The following YIPF5 variants were observed in gnomAD, a reference collection of about 807,000 sequenced individuals.
YIPF5 encodes protein YIPF5.
A neutral mutation model predicts 30.4 loss-of-function variants in YIPF5; 8 were observed. That is an observed-to-expected ratio of 0.26 (90% CI 0.15 to 0.47). The LOEUF is 0.47. Among genes scored for constraint, YIPF5 ranks in the 20% least tolerant of loss-of-function variants. The pLI is 0.99. For missense variants in YIPF5, 282 were observed against 301.8 expected, an observed-to-expected ratio of 0.93 and a Z score of 0.49; for synonymous variants, 104 against 107.9, an observed-to-expected ratio of 0.96 and a Z score of 0.23.
At position 144,163,276 on chromosome 5, in the gene YIPF5, T is replaced by A. The variant is rs1471113155; in HGVS notation, c.429+835A>T. 3.3e-5 allele frequency among the ~76,000 whole-genome samples: 5 copies of A among 152,336 alleles called. No homozygotes were observed. The East Asian group carries it at 7.7e-4, about 23-fold the overall frequency. On this transcript the variant is annotated intron_variant, in intron 4 of 5. Transcript: ENST00000274496. ...TTATTGGGACTTTTATTAGATTATT[T>A]GTAAATACTTGATTAAAAATGCAGA...
At position 144,169,933 on chromosome 5, in the gene YIPF5, T is replaced by C. The variant is rs1752321072; in HGVS notation, c.23A>G (p.Asn8Ser). 2.5e-6 allele frequency: 4 copies of C among 1,614,228 alleles called. No individual in the cohort carries two copies. Among genetic ancestry groups the C allele is most frequent in the Non-Finnish European group, 3.4e-6 (4 of 1,180,034 alleles). ...GTAACTTGTCTGGTAGAAATCCGTG[T>C]TTAAGTTTTCAAAGCCTGACATTGC... Reference protein sequence around the residue: MSGFENLNTDFYQTSYSI... With the variant: MSGFENLSTDFYQTSYSI... The change falls in exon 2 of 6, where the codon AAC becomes AGC. Residue 8 changes from asparagine to serine, a missense_variant. By Grantham distance (46) the Asn-to-Ser change is conservative. Transcript: ENST00000274496.
Position 144,158,556 on chromosome 5 carries a change from A to G in YIPF5, c.*1841T>C. ...GCATCTTCTACCGTTTATTAGCAAT[A>G]TTTGGATATTAAGGGAAGACATTTG... On this transcript the variant is annotated 3_prime_UTR_variant, in exon 6 of 6. Coordinates refer to ENST00000274496, the MANE Select transcript of YIPF5 (RefSeq NM_030799.9). 2.6e-6 allele frequency: 3 copies of G among 1,173,842 alleles called. No homozygotes were observed. The highest frequency in any genetic ancestry group is 3.2e-6 in the Non-Finnish European group (3 of 940,060). 72.7% of individuals were successfully genotyped at this position (1,173,842 alleles called of 1,614,324 possible).
chr5:144,168,338 C>G (rs980865971), intron 2 of YIPF5, among the ~76,000 whole-genome samples: 1 of 152,038 alleles, frequency 6.6e-6, no homozygotes, highest in Admixed American at 6.6e-5. Context: ...ATCTCGTAGG[C>G]TGCAATCTAA....
At chr5:144,168,215 T>A (rs1752253196) in intron 2 of YIPF5, among the ~76,000 whole-genome samples, 1 of 152,186 alleles carries the variant, frequency 6.6e-6, no homozygotes, top group East Asian at 1.9e-4. Flanking sequence ...ATATCTAAAT[T>A]GCTGTGTGGA....
In YIPF5 at chr5:144,169,874, A is replaced by T. The variant is rs1186857579; in HGVS notation, c.82T>A (p.Tyr28Asn). The T allele has an allele frequency of 3.1e-6, 5 of 1,614,080 alleles. No individual in the cohort carries two copies. Among genetic ancestry groups the T allele is most frequent in the Non-Finnish European group, 4.2e-6 (5 of 1,180,040 alleles). The change falls in exon 2 of 6, where the codon TAT (tyrosine) becomes AAT (asparagine). Residue 28 changes from tyrosine (Y) to asparagine (N), a missense_variant. By Grantham distance (143) the Tyr-to-Asn change is moderately radical. Coordinates refer to ENST00000274496, the MANE Select transcript of YIPF5 (RefSeq NM_030799.9). ...IDDQSQQSYD[Y>N]GGSGGPYSKQ... ...CTATAGGGTCCTCCACTTCCTCCAT[A>T]ATCATAGGACTGCTGTGACTGATCA...
chr5:144,158,375 C>T lies in YIPF5; in HGVS notation c.*2022G>A, dbSNP rs761051494. 16 of 1,165,404 alleles carry T rather than the reference C, an allele frequency of 1.4e-5. No individual in the cohort carries two copies. In the African/African-American group the frequency reaches 2.3e-4, roughly 17 times the overall value. The allele number at this position is 1,165,404 out of a possible 1,614,324, so 72.2% of individuals were successfully genotyped here. A position where few individuals can be genotyped will look rare whatever the true frequency, so the allele number is the denominator to read the frequency against. On this transcript the variant is annotated 3_prime_UTR_variant, in exon 6 of 6. Coordinates refer to ENST00000274496, the MANE Select transcript of YIPF5 (RefSeq NM_030799.9). ...ATTTTGGAGCAAAATAAAAAATAACCACCACAAAAAAAATCTCTACAATAA... is the reference window on the plus strand; with the variant it reads ...ATTTTGGAGCAAAATAAAAAATAACTACCACAAAAAAAATCTCTACAATAA...
rs1751985414 is a variant in YIPF5 at position 144,159,963 on chromosome 5, C to T, written c.*434G>A. On this transcript the variant is annotated 3_prime_UTR_variant, in exon 6 of 6. Coordinates refer to ENST00000274496, the MANE Select transcript of YIPF5 (RefSeq NM_030799.9). ...GCCCTTGTGATCCGCCCGCCTCGGC[C>T]TCCCAAAGTGCTGGGATTACAGGCG... 21 of 970,326 alleles carry T rather than the reference C, an allele frequency of 2.2e-5. No individual in the cohort carries two copies. Among genetic ancestry groups the T allele is most frequent in the Non-Finnish European group, 2.5e-5 (20 of 816,028 alleles). The allele number at this position is 970,326 out of a possible 1,614,324, so 60.1% of individuals were successfully genotyped here. A position where few individuals can be genotyped will look rare whatever the true frequency, so the allele number is the denominator to read the frequency against.
At chr5:144,161,414 G>A (rs1752042028) in intron 5 of YIPF5, among the ~76,000 whole-genome samples, 1 of 140,244 alleles carries the variant, frequency 7.1e-6, no homozygotes. Context: ...GGGCGATCTC[G>A]GCTCACTGCA....
At chr5:144,161,520 A>T (rs781593814) in intron 5 of YIPF5, among the ~76,000 whole-genome samples, 1 of 151,458 alleles carries the variant, frequency 6.6e-6, no homozygotes, top group African/African-American at 2.4e-5. Flanking sequence ...CTAATTTTGT[A>T]TTTTTAGTAG....
chr5:144,159,383 T>C lies in YIPF5; in HGVS notation c.*1014A>G. ...CCTTAAAAAAGGTTAGTGATTTTTT[T>C]ATTATTTTTGGGAAATGTGGCGATC... On this transcript the variant is annotated 3_prime_UTR_variant, in exon 6 of 6. Coordinates refer to ENST00000274496, the MANE Select transcript of YIPF5 (RefSeq NM_030799.9). 3 of 985,318 alleles carry C rather than the reference T, an allele frequency of 3.0e-6. No individual in the cohort carries two copies. Among genetic ancestry groups the C allele is most frequent in the Non-Finnish European group, 3.6e-6 (3 of 829,794 alleles). The allele number at this position is 985,318 out of a possible 1,614,324, so 61.0% of individuals were successfully genotyped here.
rs1184521805 is a variant in YIPF5 at position 144,159,623 on chromosome 5, TGA to T, written c.*772_*773del. 2.0e-6 allele frequency: 2 copies of T among 985,410 alleles called. No individual in the cohort carries two copies. Among genetic ancestry groups the T allele is most frequent in the Non-Finnish European group, 2.4e-6 (2 of 829,916 alleles). 61.0% of individuals were successfully genotyped at this position (985,410 alleles called of 1,614,324 possible). On this transcript the variant is annotated 3_prime_UTR_variant, in exon 6 of 6. Coordinates refer to ENST00000274496, the MANE Select transcript of YIPF5 (RefSeq NM_030799.9). ...CTACATTTGGATCACTTTTTTGCTT[TGA>T]GTTACCTGACTTGAGAATACAAGGC...
chr5:144,168,781 G>C (rs1363670352), intron 2 of YIPF5, among the ~76,000 whole-genome samples: 1 of 152,180 alleles, frequency 6.6e-6, no homozygotes, highest in Non-Finnish European at 1.5e-5. Context: ...CTATTACAGA[G>C]CCACAGTGAA....
rs1137133 is a variant in YIPF5, at chr5:144,160,008, G to T, written c.*389C>A. 157,395 of 988,784 alleles carry T rather than the reference G, an allele frequency of 0.16. 12,922 individuals are homozygous for T. The highest frequency in any genetic ancestry group is 0.25 in the Admixed American group (4,070 of 16,464). 61.3% of individuals were successfully genotyped at this position (988,784 alleles called of 1,614,324 possible). ...CAGGCGTGAGCTACCACGCCCGGCC[G>T]TCTTGTGTCTTCTTTACTGTGACTG... On this transcript the variant is annotated 3_prime_UTR_variant, in exon 6 of 6. Transcript: ENST00000274496.
Position 144,169,836 on chromosome 5 carries a change from GAA to G in YIPF5, c.110+8_110+9del. 8 of 1,608,024 alleles carry G rather than the reference GAA, an allele frequency of 5.0e-6. No homozygotes were observed. Among genetic ancestry groups the G allele is most frequent in the Non-Finnish European group, 6.0e-6 (7 of 1,175,078 alleles). On this transcript the variant is annotated splice_region_variant and intron_variant, in intron 2 of 5. Transcript: ENST00000274496. ...GTAGACTAAATTAATTGCCAAAGAT[GAA>G]AAGTTACTTGCTATAGGGTCCTCCA...
rs1286735491 is a variant in YIPF5, at chr5:144,170,152, C to A, written c.-10-187G>T. On this transcript the variant is annotated intron_variant, in intron 1 of 5. Coordinates refer to ENST00000274496, the MANE Select transcript of YIPF5 (RefSeq NM_030799.9). ...GAGAGAGAGTAAGAAAATGTATATT[C>A]TTTTAAGTTGCGGCCCAGTAAGACA... 13 of 578,378 alleles carry A rather than the reference C, an allele frequency of 2.2e-5. No homozygotes were observed. In the Admixed American group the frequency reaches 3.0e-4, roughly 13 times the overall value. The allele number at this position is 578,378 out of a possible 1,614,324, so 35.8% of individuals were successfully genotyped here.
Position 144,159,652 on chromosome 5 carries a change from A to AT in YIPF5, c.*744dup, listed in dbSNP as rs1401158394. 5.1e-6 allele frequency: 5 copies of AT among 982,576 alleles called. No homozygotes were observed. Among genetic ancestry groups the AT allele is most frequent in the Non-Finnish European group, 6.0e-6 (5 of 829,544 alleles). 60.9% of individuals were successfully genotyped at this position (982,576 alleles called of 1,614,324 possible). ...TTACCTGACTTGAGAATACAAGGCA[A>AT]TTTTTCTTTCCTAAATCCTTGGAAA... On this transcript the variant is annotated 3_prime_UTR_variant, in exon 6 of 6. Transcript: ENST00000274496.
rs914226916 is a variant in YIPF5 at position 144,170,099 on chromosome 5, A to G, written c.-10-134T>C. On this transcript the variant is annotated intron_variant, in intron 1 of 5. Transcript: ENST00000274496. ...ATTCGGAGAGGGGATGGGGGCGGAA[A>G]GTACGCAGCATTTGAACGACGGTAG... 21 of 669,932 alleles carry G rather than the reference A, an allele frequency of 3.1e-5. No individual in the cohort carries two copies. The African/African-American group carries it at 3.8e-4, about 12-fold the overall frequency. The allele number at this position is 669,932 out of a possible 1,614,324, so 41.5% of individuals were successfully genotyped here.
At chr5:144,169,252 A>C (rs1752289092) in intron 2 of YIPF5, among the ~76,000 whole-genome samples, 1 of 152,222 alleles carries the variant, frequency 6.6e-6, no homozygotes, top group African/African-American at 2.4e-5. Context: ...CATTTAAAAA[A>C]AAATGTTCAG....
At chr5:144,165,119 C>T (rs573689578) in intron 3 of YIPF5, among the ~76,000 whole-genome samples, 27 of 152,242 alleles carry the variant, frequency 1.8e-4, no homozygotes, top group Non-Finnish European at 1.6e-4. Flanking sequence ...TATTTCCACA[C>T]AGAATAATGG....
Sources: gnomAD v4.1 joint callset for allele counts (sites outside exome capture counted in the v4.1 genomes callset) on GRCh38, gnomAD v4.1.1 for gene constraint, MANE v1.5 for transcripts, NCBI Gene and HGNC (gene_info 2026-07-23, HGNC 2026-07-21) for gene names.